Variants in DCBLD2 observed in about 807,000 individuals in gnomAD.
The protein encoded by DCBLD2 is discoidin, CUB and LCCL domain-containing protein 2.
A neutral mutation model predicts 86.8 loss-of-function variants in DCBLD2; 54 were observed. That is an observed-to-expected ratio of 0.62 (90% CI 0.50 to 0.78). DCBLD2 has a LOEUF of 0.78. DCBLD2 is among the 30% of genes least tolerant of loss of function. The probability of loss-of-function intolerance (pLI) is 0.00; values close to 1 mark genes in which losing one functional copy is unlikely to be tolerated. For synonymous variants in DCBLD2, 354 were observed against 341.3 expected (o/e 1.04, Z -0.41); for missense variants, 908 against 954.2 (o/e 0.95, Z 0.64).
At chr3:98,818,836 G>A (rs939632624) in intron 8 of DCBLD2, among the ~76,000 whole-genome samples, 9 of 152,110 alleles carry the variant, frequency 5.9e-5, no homozygotes, top group African/African-American at 1.9e-4. Flanking sequence ...CTGCACTGTT[G>A]GCTTCCCTAC....
chr3:98,886,509 CCTT>C (rs1389382829), intron 1 of DCBLD2, among the ~76,000 whole-genome samples: 31 of 152,188 alleles, frequency 2.0e-4, no homozygotes, highest in Middle Eastern at 3.4e-3. Flanking sequence ...CTAACTTTCT[CCTT>C]CTCCAAACTC....
intron 1 of DCBLD2, among the ~76,000 whole-genome samples, chr3:98,889,963 C>G (rs546063989): frequency 6.6e-6 from 1 of 151,984 alleles, no homozygotes. Flanking sequence ...CCCCTCACCA[C>G]CCCCCATCTA....
rs780860044 is a variant in DCBLD2, at chr3:98,849,596, T to C, written c.436A>G (p.Lys146Glu). The C allele has an allele frequency of 6.9e-6, 11 of 1,605,488 alleles. No individual in the cohort carries two copies. Among genetic ancestry groups the C allele is most frequent in the Non-Finnish European group, 8.5e-6 (10 of 1,173,572 alleles). The change falls in exon 3 of 16, where the codon AAA becomes GAA. Residue 146 changes from lysine to glutamate, a missense_variant and splice_region_variant. Lys to Glu is a moderately conservative substitution (Grantham distance 56). This residue lies in a region of DCBLD2 where 294 missense variants were observed against 256.0 expected (regional missense o/e 1.15). Transcript: ENST00000326840. ...ATTTGCAACCCCAGACCACAGTATTTGCCTAGGAATGAAAGAAAAGCAGAT... is the reference window on the plus strand; with the variant it reads ...ATTTGCAACCCCAGACCACAGTATTCGCCTAGGAATGAAAGAAAAGCAGAT... ...GIGVSRTEIGKYCGLGLQMNH... is the reference protein window; with the variant it reads ...GIGVSRTEIGEYCGLGLQMNH...
At chr3:98,865,281 T>C (rs1324145116) in intron 2 of DCBLD2, among the ~76,000 whole-genome samples, 1 of 151,812 alleles carries the variant, frequency 6.6e-6, no homozygotes, top group Non-Finnish European at 1.5e-5. Context: ...CTATTCAGCC[T>C]GTATTAAAAA....
In DCBLD2 at chr3:98,812,511, T is replaced by C. The variant is rs1941956114; in HGVS notation, c.1213-29A>G. On this transcript the variant is annotated intron_variant, in intron 9 of 15. Coordinates refer to ENST00000326840, the MANE Select transcript of DCBLD2 (RefSeq NM_080927.4). ...TAAAAAAACAACAAAAAATTGGTAC[T>C]TCAAATCAATAGAGGTCAGGGCTAA... 6 of 1,593,528 alleles carry C rather than the reference T, an allele frequency of 3.8e-6. No homozygotes were observed. In the Admixed American group the frequency reaches 5.3e-5, roughly 14 times the overall value.
intron 3 of DCBLD2, among the ~76,000 whole-genome samples, chr3:98,828,866 T>G (rs1022992888): frequency 1.3e-5 from 2 of 152,162 alleles, no homozygotes; most frequent in African/African-American, 4.8e-5. Flanking sequence ...GCTACAACAT[T>G]GATAAACTTT....
intron 2 of DCBLD2, among the ~76,000 whole-genome samples, chr3:98,870,052 T>C (rs2470862): frequency 0.97 from 147,806 of 152,320 alleles, 71,869 homozygotes; most frequent in Non-Finnish European, 1. Flanking sequence ...GTGCCACTGG[T>C]GAGTATTCTC....
intron 4 of DCBLD2, among the ~76,000 whole-genome samples, chr3:98,823,544 C>G (rs1559774915): frequency 6.6e-6 from 1 of 152,160 alleles, no homozygotes; most frequent in East Asian, 1.9e-4. Flanking sequence ...AAAAGTCAAA[C>G]AGACAAATAT....
chr3:98,830,444 C>T (rs1001224922), intron 3 of DCBLD2, among the ~76,000 whole-genome samples: 1 of 152,196 alleles, frequency 6.6e-6, no homozygotes, highest in Non-Finnish European at 1.5e-5. Flanking sequence ...CAGCTTCAAT[C>T]TTCTGCATAT....
In DCBLD2 at chr3:98,841,898, C is replaced by CA. The variant is rs931317063; in HGVS notation, c.571+7562dup. The stretch of plus-strand genomic sequence containing the variant: ...TAACACAGTGAAACCCCGTCTCTAC[C>CA]AAAAAAAATACAAAAAATTAGCCGG... On this transcript the variant is annotated intron_variant, in intron 3 of 15. Coordinates refer to ENST00000326840, the MANE Select transcript of DCBLD2 (RefSeq NM_080927.4). Among the ~76,000 whole-genome samples, 492 of 151,558 alleles carry CA rather than the reference C, an allele frequency of 3.2e-3. 3 individuals carry two copies. The highest frequency in any genetic ancestry group is 8.3e-3 in the African/African-American group (344 of 41,342).
chr3:98,863,285 T>A (rs954259985), intron 2 of DCBLD2, among the ~76,000 whole-genome samples: 11 of 152,216 alleles, frequency 7.2e-5, no homozygotes, highest in Non-Finnish European at 1.6e-4. Context: ...ATGGCCATAC[T>A]GCCCAAGGTA....
intron 2 of DCBLD2, among the ~76,000 whole-genome samples, chr3:98,874,338 TA>T (rs916052972): frequency 5.9e-5 from 9 of 152,146 alleles, no homozygotes; most frequent in African/African-American, 1.7e-4. Flanking sequence ...AATAAAATAT[TA>T]GGAAACATAA....
chr3:98,890,345 C>T (rs765232049), intron 1 of DCBLD2: 2 of 152,012 alleles, frequency 1.3e-5, no homozygotes, highest in Admixed American at 6.6e-5. Flanking sequence ...CCAAGCAATG[C>T]TAAGAGTTGC....
At chr3:98,864,423 T>C (rs550022538) in intron 2 of DCBLD2, among the ~76,000 whole-genome samples, 3 of 152,334 alleles carry the variant, frequency 2.0e-5, no homozygotes, top group African/African-American at 7.2e-5. Context: ...ATTGTGGCAC[T>C]ATTCACAATA....
At chr3:98,881,267 A>AAC (rs1943464872) in intron 2 of DCBLD2, among the ~76,000 whole-genome samples, 3 of 62,662 alleles carry the variant, frequency 4.8e-5, no homozygotes, top group South Asian at 4.7e-4. Flanking sequence ...AAAAAAAAAC[A>AAC]AAAAAAAAAA....
chr3:98,810,719 GT>G (rs140677554), intron 12 of DCBLD2, among the ~76,000 whole-genome samples: 38 of 151,330 alleles, frequency 2.5e-4, no homozygotes, highest in East Asian at 2.1e-3. Flanking sequence ...AGAGACCAAA[GT>G]TTTTTTTTAT....
intron 2 of DCBLD2, among the ~76,000 whole-genome samples, chr3:98,857,750 T>C (rs146459564): frequency 0.011 from 1,719 of 152,332 alleles, 43 homozygotes; most frequent in African/African-American, 0.039. Flanking sequence ...ATACAGTCGA[T>C]TGGTGCATTC....
intron 3 of DCBLD2, among the ~76,000 whole-genome samples, chr3:98,846,652 T>C (rs1257576988): frequency 2.0e-5 from 3 of 152,102 alleles, no homozygotes; most frequent in African/African-American, 4.8e-5. Context: ...AGTTTTAGTA[T>C]CAAGAAATTC....
chr3:98,849,980 A>G (rs1286271591), intron 2 of DCBLD2, among the ~76,000 whole-genome samples: 1 of 152,178 alleles, frequency 6.6e-6, no homozygotes, highest in African/African-American at 2.4e-5. Context: ...GCTTCCCTCA[A>G]ACCCCTTAGA....
Sources: allele counts gnomAD v4.1 joint callset (sites outside exome capture counted in the v4.1 genomes callset), GRCh38; gene constraint gnomAD v4.1.1; regional missense constraint gnomAD v4.1.1; transcripts MANE v1.5; gene names NCBI Gene and HGNC (gene_info 2026-07-23, HGNC 2026-07-21).